WDR86: variants seen among roughly 807,000 people sequenced by gnomAD.
The protein encoded by WDR86 is WD repeat-containing protein 86.
WDR86 carries 30 observed loss-of-function variants against 36.5 expected under a neutral mutation model. The ratio of observed to expected loss-of-function variants is 0.82; its 90% CI spans 0.61 to 1.11. WDR86 has a LOEUF of 1.11. Among genes scored for constraint, WDR86 ranks in the 50% most tolerant of loss-of-function variants. The pLI is 0.00. For missense variants in WDR86, 545 were observed against 561.2 expected (o/e 0.97, Z 0.29); for synonymous variants, 255 against 252.9 (o/e 1.01, Z -0.08).
chr7:151,376,476 C>G (rs760076279), downstream of WDR86: 27 of 709,346 alleles, frequency 3.8e-5, no homozygotes, highest in Non-Finnish European at 5.6e-5. Flanking sequence ...GGTTGCTCTA[C>G]GCTCACATTG....
intron 3 of WDR86, among the ~76,000 whole-genome samples, chr7:151,392,409 G>C (rs1459329678): frequency 6.6e-6 from 1 of 152,174 alleles, no homozygotes; most frequent in African/African-American, 2.4e-5. Context: ...CTGGAACTTA[G>C]GGTTTGTGTT....
intron 3 of WDR86, among the ~76,000 whole-genome samples, chr7:151,392,510 G>C (rs1370878626): frequency 6.6e-6 from 1 of 152,164 alleles, no homozygotes; most frequent in Non-Finnish European, 1.5e-5. Context: ...CCCCTACCCG[G>C]GGGGTGGGCC....
At position 151,395,975 on chromosome 7, in the gene WDR86, T is replaced by C; in HGVS notation, c.527A>G (p.Lys176Arg). 1 of 1,597,054 alleles carries C rather than the reference T, an allele frequency of 6.3e-7. No homozygotes were observed. Residue 176 changes from lysine (K) to arginine (R), a missense_variant, in exon 3 of 6, where the codon AAG becomes AGG. Lys to Arg is a conservative substitution (Grantham distance 26). Transcript: ENST00000334493. ...LVTGSTDGTA[K>R]VWQVASGCCH... Reference sequence around the variant, plus strand: ...GCAGCCGCTGGCCACCTGCCACACCTTGGCTGTGCCATCTGTGCTGCCGGT... The same window carrying C: ...GCAGCCGCTGGCCACCTGCCACACCCTGGCTGTGCCATCTGTGCTGCCGGT...
chr7:151,383,517 A>G (rs1045577425), intron 4 of WDR86, among the ~76,000 whole-genome samples: 24 of 150,700 alleles, frequency 1.6e-4, no homozygotes, highest in African/African-American at 5.9e-4. Context: ...GGGTCTTGCT[A>G]TGTTGCTCAG....
intron 3 of WDR86, among the ~76,000 whole-genome samples, chr7:151,394,489 T>C (rs886382485): frequency 3.3e-5 from 5 of 152,170 alleles, no homozygotes; most frequent in African/African-American, 1.2e-4. Flanking sequence ...CTGGTAGCAA[T>C]GCACCCCAAC....
At chr7:151,389,013 G>A (rs980854900) in intron 3 of WDR86, among the ~76,000 whole-genome samples, 4 of 152,048 alleles carry the variant, frequency 2.6e-5, no homozygotes, top group Non-Finnish European at 5.9e-5. Flanking sequence ...ACGTGCTGGC[G>A]CCTAGACCTT....
intron 1 of WDR86, among the ~76,000 whole-genome samples, chr7:151,402,070 A>AAAATATATATATATATATATAT: frequency 9.9e-5 from 5 of 50,526 alleles, no homozygotes; most frequent in Non-Finnish European, 1.7e-4. Flanking sequence ...AAAAAAAAAA[A>AAAATATATATATATATATATAT]ATATATATAT....
chr7:151,387,673 G>C (rs73727164), intron 3 of WDR86, among the ~76,000 whole-genome samples: 1 of 152,064 alleles, frequency 6.6e-6, no homozygotes, highest in Admixed American at 6.5e-5. Context: ...CCACCTCCCC[G>C]GGCTCCAAGG....
rs1181621270 is a variant in WDR86, at chr7:151,401,956, G to C, written c.164-1715C>G. Among the ~76,000 whole-genome samples the C allele has an allele frequency of 6.9e-6, 1 of 143,978 alleles. No homozygotes were observed. The highest frequency in any genetic ancestry group is 7.4e-5 in the Admixed American group (1 of 13,556). The allele number at this position is 143,978 out of a possible 152,430, so 94.5% of individuals were successfully genotyped here. ...CCCAGCTACTCGGGAGGCTGAGGCA[G>C]AGAACTGCTTGAACCCGGAAGGCGG... is the stretch of plus-strand genomic sequence containing the variant. On this transcript the variant is annotated intron_variant, in intron 1 of 5. Coordinates refer to ENST00000334493, the MANE Select transcript of WDR86 (RefSeq NM_198285.3). This position sits in a 1 kb window ranked among gnomAD's most constrained non-coding sequence, Gnocchi z 4.3.
intron 3 of WDR86, among the ~76,000 whole-genome samples, chr7:151,391,962 T>A (rs1799470451): frequency 6.6e-6 from 1 of 152,100 alleles, no homozygotes; most frequent in South Asian, 2.1e-4. Flanking sequence ...CACTTAGTAG[T>A]TACCTTAGTG....
intron 4 of WDR86, among the ~76,000 whole-genome samples, chr7:151,382,717 C>A (rs1798689406): frequency 6.6e-6 from 1 of 152,216 alleles, no homozygotes; most frequent in Non-Finnish European, 1.5e-5. Context: ...CTAGGCTGGG[C>A]TCTCCGAAGC....
At position 151,386,389 on chromosome 7, in the gene WDR86, C is replaced by T. The variant is rs112125808; in HGVS notation, c.727-1166G>A. Among the ~76,000 whole-genome samples the T allele has an allele frequency of 5.6e-3, 854 of 152,322 alleles. 9 individuals are homozygous for T. Among genetic ancestry groups the T allele is most frequent in the African/African-American group, 0.019 (775 of 41,590 alleles). Reference sequence around the variant, plus strand: ...GTGCCCAGAGAAGGCAGTGGAACCACGAGGAGCACAATGTGGCCTCTGGGA... The same window carrying T: ...GTGCCCAGAGAAGGCAGTGGAACCATGAGGAGCACAATGTGGCCTCTGGGA... On this transcript the variant is annotated intron_variant, in intron 3 of 5. Coordinates refer to ENST00000334493, the MANE Select transcript of WDR86 (RefSeq NM_198285.3).
intron 3 of WDR86, among the ~76,000 whole-genome samples, chr7:151,385,719 A>G (rs1043556770): frequency 6.6e-6 from 1 of 152,110 alleles, no homozygotes; most frequent in African/African-American, 2.4e-5. Context: ...TCACGGGGTC[A>G]CTGCTCCCCC....
At chr7:151,373,908 A>C (rs1798079482), downstream of WDR86, among the ~76,000 whole-genome samples, 1 of 151,966 alleles carries the variant, frequency 6.6e-6, no homozygotes, top group Non-Finnish European at 1.5e-5. Flanking sequence ...CAGCACTTCC[A>C]CCACCCCTCT....
At position 151,400,083 on chromosome 7, in the gene WDR86, C is replaced by T. The variant is rs553418137; in HGVS notation, c.305+17G>A. On this transcript the variant is annotated intron_variant, in intron 2 of 5. Transcript: ENST00000334493. ...TATGTATGGTGAGACTCAGCCCAAG[C>T]CCCCAGCCAGGCTGACCTGTTCACG... 7.1e-6 allele frequency: 11 copies of T among 1,546,734 alleles called. No homozygotes were observed. Among genetic ancestry groups the T allele is most frequent in the East Asian group, 4.8e-5 (2 of 41,352 alleles).
At chr7:151,373,721 C>T (rs1798065372), downstream of WDR86, among the ~76,000 whole-genome samples, 1 of 152,246 alleles carries the variant, frequency 6.6e-6, no homozygotes, top group African/African-American at 2.4e-5. Context: ...AGCTCTCCTA[C>T]CCGGTTCCTA....
chr7:151,395,666 T>C, intron 3 of WDR86, 110 bp downstream of exon 3: 3 of 1,322,432 alleles, frequency 2.3e-6, no homozygotes, highest in Non-Finnish European at 3.0e-6. Context: ...CAGGCCCCCA[T>C]CTGCAGCGCT....
intron 1 of WDR86, among the ~76,000 whole-genome samples, chr7:151,408,204 T>C (rs1313688822): frequency 6.8e-6 from 1 of 147,556 alleles, no homozygotes; most frequent in Admixed American, 6.6e-5. Flanking sequence ...CTTTTCTTTT[T>C]TTTTTTTTTT....
chr7:151,398,463 ATGTGTATGTGTAAGG>A (rs1800043877), intron 2 of WDR86, among the ~76,000 whole-genome samples: 1 of 147,542 alleles, frequency 6.8e-6, no homozygotes, highest in South Asian at 2.2e-4. Flanking sequence ...GTGTGTGCAC[ATGTGTATGTGTAAGG>A]TGTGTATGTG....
Sources: gnomAD v4.1 joint callset for allele counts (sites outside exome capture counted in the v4.1 genomes callset) on GRCh38, gnomAD v4.1.1 for gene constraint, Gnocchi (gnomAD v3.1) non-coding constraint, MANE v1.5 for transcripts, NCBI Gene and HGNC (gene_info 2026-07-23, HGNC 2026-07-21) for gene names.